PARP4: variants seen among roughly 807,000 people sequenced by gnomAD.
PARP4 encodes the protein poly(ADP-ribose) polymerase family member 4.
Under a neutral mutation model 187.7 loss-of-function variants are expected in PARP4, and 120 were observed. The observed-to-expected ratio is 0.64, with a 90% CI of 0.55 to 0.74. The LOEUF (loss-of-function observed/expected upper bound fraction) is 0.74, where lower values mean the gene tolerates loss of function less well. PARP4 is among the 30% of genes least tolerant of loss of function. PARP4 has a pLI of 0.00. For synonymous variants in PARP4, 654 were observed against 740.9 expected, an observed-to-expected ratio of 0.88 and a Z score of 1.90; for missense variants, 1,836 against 2,070.5, an observed-to-expected ratio of 0.89 and a Z score of 2.20.
chr13:24,501,263 C>G (rs541541808), intron 3 of PARP4, among the ~76,000 whole-genome samples: 1 of 152,276 alleles, frequency 6.6e-6, no homozygotes, highest in South Asian at 2.1e-4. Flanking sequence ...GGGAGACAAT[C>G]TTTTGTTTGG....
intron 22 of PARP4, 107 bp downstream of exon 22, chr13:24,454,910 G>A (rs1593608645): frequency 1.2e-6 from 1 of 820,012 alleles, no homozygotes; most frequent in Non-Finnish European, 1.8e-6. Context: ...ATACTAGGCT[G>A]CCCCTCACCA....
chr13:24,500,246 C>A, intron 4 of PARP4, 70 bp downstream of exon 4: 2 of 768,186 alleles, frequency 2.6e-6, no homozygotes, highest in Non-Finnish European at 4.2e-6. Flanking sequence ...AATTTTAATA[C>A]TGTGCTTGAG....
At chr13:24,504,240 A>ATATACAAC (rs1350407486) in intron 1 of PARP4, among the ~76,000 whole-genome samples, 2 of 152,050 alleles carry the variant, frequency 1.3e-5, no homozygotes, top group African/African-American at 4.8e-5. Context: ...GATAATAAAA[A>ATATACAAC]TATACAACTA....
intron 30 of PARP4, among the ~76,000 whole-genome samples, chr13:24,438,096 C>T (rs1870725737): frequency 1.3e-5 from 2 of 152,054 alleles, no homozygotes; most frequent in Non-Finnish European, 1.5e-5. Context: ...CACTCACTTG[C>T]TTCCTCTTTC....
At position 24,447,043 on chromosome 13, in the gene PARP4, G is replaced by C. The variant is rs759451715; in HGVS notation, c.3258C>G (p.Val1086=). ...GTGTGCAGTGAGGAATGAATCCATA[G>C]ACAAGGAGTCGATCATTGAGAAACA... is the stretch of plus-strand genomic sequence containing the variant. ...PSLFLNDRLL[V]YGFIPHCTQA... The change falls in exon 26 of 34, where the codon GTC becomes GTG. Residue 1086 remains valine, a synonymous_variant. Coordinates refer to ENST00000381989, the MANE Select transcript of PARP4 (RefSeq NM_006437.4). 1.9e-6 allele frequency: 3 copies of C among 1,604,338 alleles called. No homozygotes were observed. Among genetic ancestry groups the C allele is most frequent in the African/African-American group, 1.3e-5 (1 of 74,698 alleles).
At chr13:24,471,471 T>TTAGAACAGA (rs778590909) in intron 15 of PARP4, among the ~76,000 whole-genome samples, 7 of 152,200 alleles carry the variant, frequency 4.6e-5, no homozygotes, top group Non-Finnish European at 8.8e-5. Flanking sequence ...GAACAGAAAC[T>TTAGAACAGA]AATACAATGT....
chr13:24,469,491 T>C (rs1485983226), intron 16 of PARP4, among the ~76,000 whole-genome samples: 2 of 151,564 alleles, frequency 1.3e-5, no homozygotes, highest in Non-Finnish European at 2.9e-5. Context: ...GTTTCTTTTC[T>C]TTTTTTTTAG....
intron 10 of PARP4, among the ~76,000 whole-genome samples, chr13:24,486,554 A>G (rs930830695): frequency 6.6e-6 from 1 of 152,262 alleles, no homozygotes; most frequent in Non-Finnish European, 1.5e-5. Flanking sequence ...AACTTTATAC[A>G]TAGTATTATC....
In PARP4 at chr13:24,465,653, T is replaced by C. The variant is rs577046552; in HGVS notation, c.2133+3371A>G. Among the ~76,000 whole-genome samples, 786 of 152,122 alleles carry C rather than the reference T, an allele frequency of 5.2e-3. 4 individuals are homozygous for C. The highest frequency in any genetic ancestry group is 8.5e-3 in the Non-Finnish European group (576 of 67,996). On this transcript the variant is annotated intron_variant, in intron 17 of 33. Coordinates refer to ENST00000381989, the MANE Select transcript of PARP4 (RefSeq NM_006437.4). ...GGGAGAGGGAGAGCATCAGGATAAA[T>C]AGCTAATGCATGTGGGGCTTAATAT...
At chr13:24,494,548 CA>C (rs747128494) in intron 7 of PARP4, 24 bp downstream of exon 7, 13 of 1,587,962 alleles carry the variant, frequency 8.2e-6, no homozygotes, top group South Asian at 5.8e-5. Context: ...CAATCAACAA[CA>C]AAAAAATTAT....
intron 1 of PARP4, among the ~76,000 whole-genome samples, chr13:24,510,588 A>G (rs1361770062): frequency 6.6e-6 from 1 of 151,188 alleles, no homozygotes. Flanking sequence ...ACTATTAGAA[A>G]TACACTTTAA....
At position 24,498,179 on chromosome 13, in the gene PARP4, C is replaced by G. The variant is rs758110396; in HGVS notation, c.528G>C (p.Ser176=). Reference sequence around the variant, plus strand: ...GGAAAGGACAGTCCCTGGAGTCCCGCGAACACTGAAGCTCCACCACCACAG... The same window carrying G: ...GGAAAGGACAGTCCCTGGAGTCCCGGGAACACTGAAGCTCCACCACCACAG... The part of the protein sequence containing the change: ...QEAVVVELQC[S]RDSRDCPFLI... Residue 176 remains serine (S), a synonymous_variant, in exon 6 of 34, where the codon TCG becomes TCC. Transcript: ENST00000381989. The G allele has an allele frequency of 2.5e-6, 4 of 1,613,856 alleles. No homozygotes were observed. Among genetic ancestry groups the G allele is most frequent in the Non-Finnish European group, 8.5e-7 (1 of 1,179,984 alleles).
chr13:24,443,190 G>GCAGTC (rs544256820), intron 28 of PARP4, among the ~76,000 whole-genome samples: 1,734 of 125,886 alleles, frequency 0.014, 43 homozygotes, highest in African/African-American at 0.05. Flanking sequence ...GAACAGCTGG[G>GCAGTC]CAGTCCCGGT....
chr13:24,454,845 C>T (rs1022686438), intron 22 of PARP4, among the ~76,000 whole-genome samples, 172 bp downstream of exon 22: 1 of 152,130 alleles, frequency 6.6e-6, no homozygotes, highest in Admixed American at 6.5e-5. Context: ...GTGAGTGGTA[C>T]AGCTGGAACC....
In PARP4 at chr13:24,501,851, T is replaced by C. The variant is rs1869310688; in HGVS notation, c.133-17A>G. 6.9e-7 allele frequency: 1 copy of C among 1,458,446 alleles called. No homozygotes were observed. Among genetic ancestry groups the C allele is most frequent in the African/African-American group, 1.4e-5 (1 of 71,444 alleles). 90.3% of individuals were successfully genotyped at this position (1,458,446 alleles called of 1,614,324 possible). A position where few individuals can be genotyped will look rare whatever the true frequency, so the allele number is the denominator to read the frequency against. ...ATGTGTGCACTAAGGAAAAAAAGAG[T>C]CAATCCATTATGCATCAAGAAAAAC... On this transcript the variant is annotated splice_polypyrimidine_tract_variant and intron_variant, in intron 2 of 33. Transcript: ENST00000381989.
At chr13:24,468,571 A>G (rs1273780115) in intron 17 of PARP4, among the ~76,000 whole-genome samples, 1 of 151,902 alleles carries the variant, frequency 6.6e-6, no homozygotes, top group Non-Finnish European at 1.5e-5. Context: ...TGCCCAGCTA[A>G]TTTTTGTACT....
intron 9 of PARP4, among the ~76,000 whole-genome samples, chr13:24,491,269 T>G (rs1234408921): frequency 6.6e-6 from 1 of 152,038 alleles, no homozygotes; most frequent in Non-Finnish European, 1.5e-5. Flanking sequence ...TACAGGTGCA[T>G]GCCACCATGC....
In PARP4 at chr13:24,475,588, A is replaced by C. The variant is rs1446885456; in HGVS notation, c.1798T>G (p.Leu600Val). ...SNFSKVEDYQLPDAKTSSSTK... is the reference protein window; with the variant it reads ...SNFSKVEDYQVPDAKTSSSTK... ...CTGCTGGAAGTTTTGGCATCTGGTA[A>C]CTGGTAATCTAAACGTTAAAAATGT... The change falls in exon 15 of 34, where the codon TTA becomes GTA. Residue 600 changes from leucine to valine, a missense_variant. Coordinates refer to ENST00000381989, the MANE Select transcript of PARP4 (RefSeq NM_006437.4). 6.2e-7 allele frequency: 1 copy of C among 1,614,018 alleles called. No individual in the cohort carries two copies. Among genetic ancestry groups the C allele is most frequent in the East Asian group, 2.2e-5 (1 of 44,898 alleles).
chr13:24,428,917 A>G (rs1010506565), intron 32 of PARP4, among the ~76,000 whole-genome samples: 1 of 152,196 alleles, frequency 6.6e-6, no homozygotes, highest in Non-Finnish European at 1.5e-5. Flanking sequence ...ATATTTTTCT[A>G]TCTAACCTTT....
Sources: allele counts gnomAD v4.1 joint callset (sites outside exome capture counted in the v4.1 genomes callset), GRCh38; gene constraint gnomAD v4.1.1; transcripts MANE v1.5; gene names NCBI Gene and HGNC (gene_info 2026-07-23, HGNC 2026-07-21).